Variants in CLSTN2 observed in about 807,000 individuals in gnomAD.
The protein encoded by CLSTN2 is calsyntenin 2, also known as calsyntenin-2.
In CLSTN2, 48 loss-of-function variants were observed where a neutral mutation model predicts 101.2. The ratio of observed to expected loss-of-function variants is 0.47; its 90% CI spans 0.38 to 0.60. CLSTN2 has a LOEUF of 0.60. Among genes scored for constraint, CLSTN2 ranks in the 20% least tolerant of loss-of-function variants. The probability of loss-of-function intolerance (pLI) is 0.00; values close to 1 mark genes in which losing one functional copy is unlikely to be tolerated. For missense variants in CLSTN2, 1,160 were observed against 1,238.2 expected, an observed-to-expected ratio of 0.94 and a Z score of 0.95; for synonymous variants, 481 against 463.6, an observed-to-expected ratio of 1.04 and a Z score of -0.48.
intron 2 of CLSTN2, among the ~76,000 whole-genome samples, chr3:140,340,085 T>C (rs948968434): frequency 1.3e-5 from 2 of 151,800 alleles, no homozygotes; most frequent in Non-Finnish European, 2.9e-5. Flanking sequence ...GAATGGCATA[T>C]AATATAATGG....
intron 1 of CLSTN2, among the ~76,000 whole-genome samples, chr3:139,993,445 G>A (rs949525015): frequency 2.0e-5 from 3 of 152,162 alleles, no homozygotes; most frequent in Non-Finnish European, 4.4e-5. Flanking sequence ...CCTGGAGTCT[G>A]CAAGGAAGAG....
intron 1 of CLSTN2, among the ~76,000 whole-genome samples, chr3:140,065,345 T>A (rs968802706): frequency 2.4e-4 from 37 of 152,208 alleles, no homozygotes; most frequent in African/African-American, 8.4e-4. Context: ...TTCACAGTCA[T>A]CTAGGGAGCC....
At chr3:140,139,105 G>A (rs1439058752) in intron 1 of CLSTN2, among the ~76,000 whole-genome samples, 1 of 152,194 alleles carries the variant, frequency 6.6e-6, no homozygotes, top group Non-Finnish European at 1.5e-5. Context: ...GATGTCAAGT[G>A]CCTAGCACAT....
At chr3:140,094,294 G>A (rs753455775) in intron 1 of CLSTN2, among the ~76,000 whole-genome samples, 2 of 152,156 alleles carry the variant, frequency 1.3e-5, no homozygotes, top group Non-Finnish European at 2.9e-5. Context: ...AGAGCCAAGC[G>A]TCAGACCTGA....
intron 7 of CLSTN2, among the ~76,000 whole-genome samples, chr3:140,460,604 C>G (rs1368261075): frequency 6.6e-6 from 1 of 152,140 alleles, no homozygotes; most frequent in Non-Finnish European, 1.5e-5. Context: ...GGTTGACTAA[C>G]TTGTCACAAG....
At chr3:140,301,488 T>G (rs756746925) in intron 2 of CLSTN2, among the ~76,000 whole-genome samples, 2 of 152,234 alleles carry the variant, frequency 1.3e-5, no homozygotes, top group Non-Finnish European at 2.9e-5. Context: ...GCTTTTACAT[T>G]TGCTCTGTGG....
intron 1 of CLSTN2, among the ~76,000 whole-genome samples, chr3:140,027,464 G>A (rs35229182): frequency 0.089 from 13,528 of 152,186 alleles, 618 homozygotes; most frequent in Middle Eastern, 0.1. Flanking sequence ...AACCTTCAGA[G>A]GGATCATAGC....
At chr3:140,279,553 C>G (rs2086826267) in intron 2 of CLSTN2, among the ~76,000 whole-genome samples, 1 of 152,214 alleles carries the variant, frequency 6.6e-6, no homozygotes, top group African/African-American at 2.4e-5. Flanking sequence ...AGTGACCAGT[C>G]TGATGTAGTC....
chr3:140,325,877 C>T (rs551237598), intron 2 of CLSTN2, among the ~76,000 whole-genome samples: 14 of 152,282 alleles, frequency 9.2e-5, no homozygotes, highest in African/African-American at 3.4e-4. Context: ...GACCCTGTCT[C>T]CTTTGTTCAG....
chr3:140,133,676 G>A (rs940019999), intron 1 of CLSTN2, among the ~76,000 whole-genome samples: 5 of 152,170 alleles, frequency 3.3e-5, no homozygotes, highest in Admixed American at 2.6e-4. Context: ...CACAGGTAGT[G>A]TTGTTGGGAG....
At chr3:140,410,489 C>T (rs2088351363) in intron 4 of CLSTN2, among the ~76,000 whole-genome samples, 1 of 148,016 alleles carries the variant, frequency 6.8e-6, no homozygotes, top group Admixed American at 6.7e-5. Context: ...GAGAAACAAA[C>T]ACTTTCTCAG....
At chr3:140,392,637 A>G (rs529059667) in intron 2 of CLSTN2, among the ~76,000 whole-genome samples, 74 of 152,292 alleles carry the variant, frequency 4.9e-4, no homozygotes, top group African/African-American at 1.6e-3. Context: ...TGCACTAAAG[A>G]GTGCAGACAT....
chr3:140,278,703 G>T (rs2107894925), intron 2 of CLSTN2, among the ~76,000 whole-genome samples: 1 of 152,288 alleles, frequency 6.6e-6, no homozygotes, highest in South Asian at 2.1e-4. Flanking sequence ...TTACCTCTTT[G>T]CCAGTTCCCT....
At chr3:140,391,167 A>G (rs1320396306) in intron 2 of CLSTN2, among the ~76,000 whole-genome samples, 2 of 152,034 alleles carry the variant, frequency 1.3e-5, no homozygotes, top group Non-Finnish European at 2.9e-5. Flanking sequence ...CACTCAGGCA[A>G]TCCTGTTTAC....
At chr3:140,199,702 G>C (rs1161557575) in intron 2 of CLSTN2, among the ~76,000 whole-genome samples, 1 of 152,132 alleles carries the variant, frequency 6.6e-6, no homozygotes, top group Non-Finnish European at 1.5e-5. Flanking sequence ...CCAGAAATGA[G>C]GCCAGTGGGC....
chr3:140,502,523 A>G (rs988888633), intron 8 of CLSTN2, among the ~76,000 whole-genome samples: 5 of 152,242 alleles, frequency 3.3e-5, no homozygotes, highest in African/African-American at 1.2e-4. Flanking sequence ...ACCTTTTGGA[A>G]GATGAGCTTT....
chr3:140,121,152 G>A lies in CLSTN2; in HGVS notation c.110-54799G>A, dbSNP rs142516208. Among the ~76,000 whole-genome samples the A allele has an allele frequency of 8.9e-3, 1,361 of 152,280 alleles. 12 individuals carry two copies. The highest frequency in any genetic ancestry group is 0.013 in the Non-Finnish European group (882 of 68,008). On this transcript the variant is annotated intron_variant, in intron 1 of 16. Transcript: ENST00000458420. ...AACAGTGAGATATTACCACCCCTGC[G>A]CTAGAAATGACAAGAGGATGATGAA...
intron 2 of CLSTN2, among the ~76,000 whole-genome samples, chr3:140,357,491 G>A (rs1010254345): frequency 6.6e-6 from 1 of 152,044 alleles, no homozygotes; most frequent in African/African-American, 2.4e-5. Flanking sequence ...TTCCAGATGC[G>A]CAGATGTGGG....
In CLSTN2 at chr3:139,935,361, C is replaced by A; in HGVS notation, c.-14C>A. 1 of 1,213,962 alleles carries A rather than the reference C, an allele frequency of 8.2e-7. No homozygotes were observed. The highest frequency in any genetic ancestry group is 1.0e-6 in the Non-Finnish European group (1 of 972,764). 75.2% of individuals were successfully genotyped at this position (1,213,962 alleles called of 1,614,324 possible). A position where few individuals can be genotyped will look rare whatever the true frequency, so the allele number is the denominator to read the frequency against. On this transcript the variant is annotated 5_prime_UTR_variant, in exon 1 of 17. Transcript: ENST00000458420. This position sits in a 1 kb window ranked among gnomAD's most constrained non-coding sequence, Gnocchi z 5.5. Reference sequence around the variant, plus strand: ...GTAGGCGGCGGCTGCAGCTCGTTGGCGGCTGCTGCGAGGATGCTGCCTGGG... The same window carrying A: ...GTAGGCGGCGGCTGCAGCTCGTTGGAGGCTGCTGCGAGGATGCTGCCTGGG...
Sources: allele counts gnomAD v4.1 joint callset (sites outside exome capture counted in the v4.1 genomes callset), GRCh38; gene constraint gnomAD v4.1.1; non-coding constraint Gnocchi (gnomAD v3.1); transcripts MANE v1.5; gene names NCBI Gene and HGNC (gene_info 2026-07-23, HGNC 2026-07-21).